SLC37A3: variants seen among roughly 807,000 people sequenced by gnomAD.
The protein encoded by SLC37A3 is solute carrier family 37 member 3, also known as sugar phosphate exchanger 3.
A neutral mutation model predicts 67.1 loss-of-function variants in SLC37A3; 51 were observed. That is an observed-to-expected ratio of 0.76 (90% CI 0.61 to 0.96). The LOEUF (loss-of-function observed/expected upper bound fraction) is 0.96, where lower values mean the gene tolerates loss of function less well. Among genes scored for constraint, SLC37A3 ranks in the 40% least tolerant of loss-of-function variants. SLC37A3 has a pLI of 0.00. For missense variants in SLC37A3, 508 were observed against 603.0 expected (o/e 0.84, Z 1.65); for synonymous variants, 214 against 231.4 (o/e 0.92, Z 0.68).
At chr7:140,369,704 A>T (rs371059197) in intron 3 of SLC37A3, 22 bp from the exon 4 acceptor site, 3 of 1,602,136 alleles carry the variant, frequency 1.9e-6, no homozygotes, top group Non-Finnish European at 2.6e-6. Flanking sequence ...CAGCAGGAAC[A>T]GGTCAGTCCC....
At chr7:140,379,829 G>A (rs1398876968) in intron 3 of SLC37A3, 1 of 151,876 alleles carries the variant, frequency 6.6e-6, no homozygotes, top group Non-Finnish European at 1.5e-5. Flanking sequence ...AGAAGGTGGA[G>A]GTTGCAGAGA....
chr7:140,374,082 C>A (rs1025415660), intron 3 of SLC37A3, among the ~76,000 whole-genome samples: 5 of 152,096 alleles, frequency 3.3e-5, no homozygotes, highest in Non-Finnish European at 7.3e-5. Context: ...ACCCATATAA[C>A]CAAAAACATT....
At chr7:140,374,281 G>A (rs575083908) in intron 3 of SLC37A3, among the ~76,000 whole-genome samples, 14 of 152,256 alleles carry the variant, frequency 9.2e-5, no homozygotes, top group Non-Finnish European at 1.9e-4. Flanking sequence ...TCGATCGCTT[G>A]AGGTCAGGAA....
chr7:140,360,269 T>C (rs1293705999), intron 5 of SLC37A3, among the ~76,000 whole-genome samples: 1 of 151,816 alleles, frequency 6.6e-6, no homozygotes, highest in Non-Finnish European at 1.5e-5. Context: ...TTGCTCGAGC[T>C]TGGGAGTTCA....
At chr7:140,335,768 G>T (rs1418303318) in intron 14 of SLC37A3, among the ~76,000 whole-genome samples, 1 of 152,156 alleles carries the variant, frequency 6.6e-6, no homozygotes. Flanking sequence ...GAGACCAGAG[G>T]CTCAGATGAA....
At chr7:140,343,701 T>C in intron 12 of SLC37A3, 138 bp from the exon 13 acceptor site, 2 of 830,504 alleles carry the variant, frequency 2.4e-6, no homozygotes, top group Non-Finnish European at 3.7e-6. Context: ...CCAGATAGTA[T>C]CATTTTCAAA....
intron 4 of SLC37A3, among the ~76,000 whole-genome samples, chr7:140,366,039 G>C (rs1220387893): frequency 1.4e-5 from 2 of 141,770 alleles, no homozygotes; most frequent in African/African-American, 5.3e-5. Context: ...CTAGGTTCGA[G>C]CAATTCTCCT....
intron 1 of SLC37A3, among the ~76,000 whole-genome samples, chr7:140,392,094 G>A (rs1327740159): frequency 2.0e-5 from 3 of 151,796 alleles, no homozygotes; most frequent in African/African-American, 2.4e-5. Context: ...CTCTCCTTAC[G>A]GAAAACCCTC....
At chr7:140,353,995 C>G (rs1403438653) in intron 7 of SLC37A3, among the ~76,000 whole-genome samples, 2 of 152,220 alleles carry the variant, frequency 1.3e-5, no homozygotes, top group Non-Finnish European at 2.9e-5. Context: ...CAGGCGTGAG[C>G]CACCACACCT....
intron 5 of SLC37A3, among the ~76,000 whole-genome samples, chr7:140,363,449 T>C (rs1203934865): frequency 2.1e-5 from 2 of 95,328 alleles, no homozygotes; most frequent in Non-Finnish European, 4.4e-5. Flanking sequence ...TTAAATGGAT[T>C]AAGGGCGGTG....
chr7:140,362,676 G>A (rs1247117942), intron 5 of SLC37A3, among the ~76,000 whole-genome samples: 2 of 53,818 alleles, frequency 3.7e-5, no homozygotes, highest in East Asian at 7.1e-4. Flanking sequence ...AGGGAGGTGG[G>A]GGGGGGGGTC....
At chr7:140,360,747 A>T (rs1797234092) in intron 5 of SLC37A3, among the ~76,000 whole-genome samples, 1 of 151,372 alleles carries the variant, frequency 6.6e-6, no homozygotes, top group Non-Finnish European at 1.5e-5. Flanking sequence ...AAAAAAAAAA[A>T]AAGATTAATC....
At chr7:140,384,700 C>G (rs1004817039) in intron 1 of SLC37A3, among the ~76,000 whole-genome samples, 2 of 152,116 alleles carry the variant, frequency 1.3e-5, no homozygotes, top group Non-Finnish European at 2.9e-5. Context: ...GCCTGTACCA[C>G]AGGGTAAGAC....
chr7:140,382,005 C>A lies in SLC37A3; in HGVS notation c.89+433G>T, dbSNP rs527872678. Reference sequence around the variant, plus strand: ...CTCCAGCCTGGGCGACAAAGTGATACTCCGTCTCAAAAAAAAAAAAAAAAA... The same window carrying A: ...CTCCAGCCTGGGCGACAAAGTGATAATCCGTCTCAAAAAAAAAAAAAAAAA... On this transcript the variant is annotated intron_variant, in intron 2 of 14. Coordinates refer to ENST00000326232, the MANE Select transcript of SLC37A3 (RefSeq NM_207113.3). Among the ~76,000 whole-genome samples the A allele has an allele frequency of 3.2e-4, 34 of 106,836 alleles. 2 individuals are homozygous for A. Among genetic ancestry groups the A allele is most frequent in the East Asian group, 1.6e-3 (6 of 3,778 alleles). 70.1% of individuals were successfully genotyped at this position (106,836 alleles called of 152,430 possible).
intron 1 of SLC37A3, among the ~76,000 whole-genome samples, chr7:140,397,305 T>G (rs1585396924): frequency 1.3e-5 from 2 of 150,454 alleles, no homozygotes; most frequent in African/African-American, 4.9e-5. Flanking sequence ...GCGATTCTCC[T>G]GCCTCAGCCT....
At chr7:140,362,641 T>C in intron 5 of SLC37A3, among the ~76,000 whole-genome samples, 1 of 52,294 alleles carries the variant, frequency 1.9e-5, no homozygotes, top group East Asian at 8.8e-4. Context: ...AGGACCCCTC[T>C]GCCCGGCCAG....
At chr7:140,394,087 C>T (rs1798826220) in intron 1 of SLC37A3, among the ~76,000 whole-genome samples, 2 of 152,110 alleles carry the variant, frequency 1.3e-5, no homozygotes. Flanking sequence ...GGGAGGATCG[C>T]TTGAACCCGG....
intron 14 of SLC37A3, among the ~76,000 whole-genome samples, chr7:140,336,874 G>A (rs1796153504): frequency 6.7e-6 from 1 of 149,510 alleles, no homozygotes; most frequent in Non-Finnish European, 1.5e-5. Context: ...CGAGTCGGGT[G>A]GATCACCTGA....
intron 10 of SLC37A3, among the ~76,000 whole-genome samples, chr7:140,347,674 A>G (rs1796618471): frequency 6.6e-6 from 1 of 152,164 alleles, no homozygotes; most frequent in Admixed American, 6.5e-5. Flanking sequence ...CCATGTAAGT[A>G]ATACCCACTA....
Sources: allele counts gnomAD v4.1 joint callset (sites outside exome capture counted in the v4.1 genomes callset), GRCh38; gene constraint gnomAD v4.1.1; transcripts MANE v1.5; gene names NCBI Gene and HGNC (gene_info 2026-07-23, HGNC 2026-07-21).